Variants in N4BP1 observed in about 807,000 individuals in gnomAD.
N4BP1 encodes the protein NEDD4 binding protein 1.
Under a neutral mutation model 70.9 loss-of-function variants are expected in N4BP1, and 21 were observed. The observed-to-expected ratio is 0.30, with a 90% CI of 0.21 to 0.43. The LOEUF is 0.43. N4BP1 is among the 20% of genes least tolerant of loss of function. The probability of loss-of-function intolerance (pLI) is 1.00; values close to 1 mark genes in which losing one functional copy is unlikely to be tolerated. For missense variants in N4BP1, 936 were observed against 1,069.4 expected, an observed-to-expected ratio of 0.88 and a Z score of 1.74; for synonymous variants, 387 against 394.6, an observed-to-expected ratio of 0.98 and a Z score of 0.23.
chr16:48,562,453 A>G lies in N4BP1; in HGVS notation c.199-9T>C. 1 of 1,568,638 alleles carries G rather than the reference A, an allele frequency of 6.4e-7. No homozygotes were observed. The highest frequency in any genetic ancestry group is 8.6e-7 in the Non-Finnish European group (1 of 1,161,764). ...ATTCCTTTAATATATTCCTGTAAAG[A>G]GAAAATAAGAAATTAGGTCAATTTA... On this transcript the variant is annotated splice_polypyrimidine_tract_variant and intron_variant, in intron 1 of 6. Transcript: ENST00000262384.
At chr16:48,544,044 T>C (rs889206331) in intron 6 of N4BP1, among the ~76,000 whole-genome samples, 17 of 152,220 alleles carry the variant, frequency 1.1e-4, no homozygotes, top group African/African-American at 2.2e-4. Flanking sequence ...GCGGACCTGA[T>C]TGATGCTCTG....
At chr16:48,580,705 C>T (rs988600991) in intron 1 of N4BP1, among the ~76,000 whole-genome samples, 8 of 152,160 alleles carry the variant, frequency 5.3e-5, no homozygotes, top group African/African-American at 1.9e-4. Context: ...CCTTCTCTAT[C>T]TGTGGTTTCC....
chr16:48,557,576 G>C (rs1258866782), intron 2 of N4BP1, among the ~76,000 whole-genome samples: 1 of 151,972 alleles, frequency 6.6e-6, no homozygotes, highest in Non-Finnish European at 1.5e-5. Context: ...TAAATATATG[G>C]CCTCAGTTAA....
At chr16:48,546,027 C>CAAA (rs200705090) in intron 6 of N4BP1, 120 bp downstream of exon 6, 74 of 488,462 alleles carry the variant, frequency 1.5e-4, no homozygotes, top group Middle Eastern at 5.4e-4. Context: ...GACCTTGTCT[C>CAAA]AAAAAAAAAA....
intron 1 of N4BP1, among the ~76,000 whole-genome samples, chr16:48,581,696 A>G (rs1440518977): frequency 6.6e-6 from 1 of 152,234 alleles, no homozygotes; most frequent in Non-Finnish European, 1.5e-5. Flanking sequence ...AATAAATGGA[A>G]TGATATCCCA....
intron 1 of N4BP1, among the ~76,000 whole-genome samples, chr16:48,604,497 G>C (rs1010915251): frequency 6.6e-6 from 1 of 151,012 alleles, no homozygotes. Context: ...TCAGTAAGCT[G>C]AGATCATACC....
intron 1 of N4BP1, among the ~76,000 whole-genome samples, chr16:48,575,244 A>C (rs4785523): frequency 0.18 from 27,187 of 152,208 alleles, 3,232 homozygotes; most frequent in East Asian, 0.65. Context: ...AAGATAATGC[A>C]GTCCAAATAT....
chr16:48,609,793 C>T lies in N4BP1; in HGVS notation c.180G>A (p.Glu60=). The change falls in exon 1 of 7, where the codon GAG becomes GAA. Residue 60 remains glutamate (E), a synonymous_variant. Coordinates refer to ENST00000262384, the MANE Select transcript of N4BP1 (RefSeq NM_153029.4). ...RIWLQLCGAQ[E]AVHSAKEYIK... is the part of the protein sequence containing the mutation. ...GACTCACCTTGGCGCTGTGCACCGC[C>T]TCCTGCGCCCCGCAGAGCTGCAGCC... 6.8e-7 allele frequency: 1 copy of T among 1,464,564 alleles called. No individual in the cohort carries two copies. The highest frequency in any genetic ancestry group is 1.3e-5 in the South Asian group (1 of 77,834). The allele number at this position is 1,464,564 out of a possible 1,614,324, so 90.7% of individuals were successfully genotyped here. A position where few individuals can be genotyped will look rare whatever the true frequency, so the allele number is the denominator to read the frequency against.
chr16:48,582,418 G>A (rs1012394498), intron 1 of N4BP1, among the ~76,000 whole-genome samples: 3 of 151,820 alleles, frequency 2.0e-5, no homozygotes, highest in East Asian at 1.9e-4. Flanking sequence ...TTATCAGATC[G>A]ACTGTAGCAG....
chr16:48,553,799 T>G, intron 2 of N4BP1, 130 bp from the exon 3 acceptor site: 1 of 836,668 alleles, frequency 1.2e-6, no homozygotes, highest in Non-Finnish European at 1.7e-6. Context: ...TATTCTTACA[T>G]TTTTGGCATT....
chr16:48,555,789 G>C (rs1224761905), intron 2 of N4BP1, among the ~76,000 whole-genome samples: 4 of 152,188 alleles, frequency 2.6e-5, no homozygotes, highest in Non-Finnish European at 5.9e-5. Context: ...ATCCACAACA[G>C]AACAACCTGC....
intron 1 of N4BP1, among the ~76,000 whole-genome samples, chr16:48,563,373 A>T (rs969840226): frequency 6.6e-6 from 1 of 151,672 alleles, no homozygotes; most frequent in Non-Finnish European, 1.5e-5. Context: ...AATTTTTTAA[A>T]TTTTTAATTG....
At chr16:48,559,289 A>C (rs1963807740) in intron 2 of N4BP1, among the ~76,000 whole-genome samples, 1 of 152,190 alleles carries the variant, frequency 6.6e-6, no homozygotes, top group Admixed American at 6.5e-5. Flanking sequence ...TATTCTTAAA[A>C]ACTCAGGGCA....
chr16:48,588,915 C>T (rs967248060), intron 1 of N4BP1, among the ~76,000 whole-genome samples: 8 of 152,086 alleles, frequency 5.3e-5, no homozygotes, highest in Non-Finnish European at 1.0e-4. Context: ...AAAACAAAGA[C>T]TTTGTGGTCC....
intron 2 of N4BP1, among the ~76,000 whole-genome samples, chr16:48,556,644 T>C (rs750973750): frequency 6.6e-6 from 1 of 152,152 alleles, no homozygotes; most frequent in Non-Finnish European, 1.5e-5. Context: ...TGCCATATTA[T>C]AGAATGCTGG....
At chr16:48,574,911 G>C (rs1210405536) in intron 1 of N4BP1, among the ~76,000 whole-genome samples, 1 of 152,178 alleles carries the variant, frequency 6.6e-6, no homozygotes, top group Non-Finnish European at 1.5e-5. Context: ...GGAAGTACTG[G>C]CAAGACTGGC....
chr16:48,543,335 C>A (rs779949490), intron 6 of N4BP1, 74 bp from the exon 7 acceptor site: 7 of 1,256,544 alleles, frequency 5.6e-6, no homozygotes, highest in Admixed American at 3.2e-5. Flanking sequence ...TTAGAAGGTA[C>A]CTGCGGCAGG....
intron 1 of N4BP1, among the ~76,000 whole-genome samples, chr16:48,569,818 T>G (rs1291285631): frequency 6.6e-6 from 1 of 152,202 alleles, no homozygotes; most frequent in Non-Finnish European, 1.5e-5. Flanking sequence ...AACAGATCCA[T>G]GCACGTGTAC....
intron 1 of N4BP1, among the ~76,000 whole-genome samples, chr16:48,581,747 C>T (rs951646693): frequency 2.6e-5 from 4 of 152,054 alleles, no homozygotes; most frequent in African/African-American, 9.7e-5. Context: ...AAGTATACAA[C>T]CACATGCAAA....
Sources: gnomAD v4.1 joint callset for allele counts (sites outside exome capture counted in the v4.1 genomes callset) on GRCh38, gnomAD v4.1.1 for gene constraint, MANE v1.5 for transcripts, NCBI Gene and HGNC (gene_info 2026-07-23, HGNC 2026-07-21) for gene names.